ARK2N: variants seen among roughly 807,000 people sequenced by gnomAD.
The protein encoded by ARK2N is arkadia (RNF111) N-terminal like PKA signaling regulator 2N.
the ARK2N span, chr18:46,240,297 G>T: frequency 2.5e-6 from 3 of 1,184,856 alleles, no homozygotes; most frequent in Non-Finnish European, 3.5e-6. Flanking sequence ...AGAGACATCT[G>T]GCATTGAATG....
At chr18:46,199,746 T>G in the ARK2N span, among the ~76,000 whole-genome samples, 1 of 152,172 alleles carries the variant, frequency 6.6e-6, no homozygotes, top group Non-Finnish European at 1.5e-5. Flanking sequence ...CTTATGGGAC[T>G]GCAACTGTTT....
At chr18:46,240,207 C>T in the ARK2N span, 1 of 1,613,304 alleles carries the variant, frequency 6.2e-7, no homozygotes, top group East Asian at 2.2e-5. Flanking sequence ...CCCCATCCCC[C>T]TTCTCTAACG....
chr18:46,208,409 A>G, the ARK2N span, among the ~76,000 whole-genome samples: 5 of 149,858 alleles, frequency 3.3e-5, no homozygotes, highest in Non-Finnish European at 7.4e-5. Context: ...TGTATTACAG[A>G]TAGAGATAAA....
chr18:46,190,485 TC>T, the ARK2N span, among the ~76,000 whole-genome samples: 15 of 141,694 alleles, frequency 1.1e-4, no homozygotes, highest in Admixed American at 3.6e-4. Context: ...CGAAACTCTG[TC>T]CCCCGGCCCC....
At chr18:46,190,998 G>T in the ARK2N span, among the ~76,000 whole-genome samples, 1 of 152,048 alleles carries the variant, frequency 6.6e-6, no homozygotes, top group African/African-American at 2.4e-5. Context: ...TGTGCAACTG[G>T]TCTCTGGCCC....
chr18:46,243,530 A>G, the ARK2N span, among the ~76,000 whole-genome samples: 1 of 152,188 alleles, frequency 6.6e-6, no homozygotes, highest in African/African-American at 2.4e-5. Flanking sequence ...TCCAAAATAT[A>G]TATTTAGTTT....
the ARK2N span, among the ~76,000 whole-genome samples, chr18:46,252,832 T>C: frequency 6.6e-6 from 1 of 152,222 alleles, no homozygotes. Flanking sequence ...TTTAGAGCCA[T>C]GTACTTTGAT....
chr18:46,229,578 T>C, the ARK2N span, among the ~76,000 whole-genome samples: 4 of 151,824 alleles, frequency 2.6e-5, no homozygotes, highest in Admixed American at 2.6e-4. Flanking sequence ...TCTCCTGACG[T>C]CATGATCCGC....
the ARK2N span, among the ~76,000 whole-genome samples, chr18:46,230,746 G>A: frequency 1.3e-5 from 2 of 152,158 alleles, no homozygotes; most frequent in East Asian, 1.9e-4. Context: ...ATCGCCGAAT[G>A]TTGTAAAAAG....
At chr18:46,241,902 C>T in the ARK2N span, among the ~76,000 whole-genome samples, 116 of 151,988 alleles carry the variant, frequency 7.6e-4, 1 homozygote, top group South Asian at 0.024. Context: ...CTGCAACCTC[C>T]GCCTCCTGGG....
At chr18:46,208,443 T>G in the ARK2N span, among the ~76,000 whole-genome samples, 1,658 of 151,262 alleles carry the variant, frequency 0.011, 59 homozygotes, top group East Asian at 0.12. Context: ...TAGTTGGTTA[T>G]GGGATTTTCT....
chr18:46,231,830 C>T, the ARK2N span: 13 of 151,796 alleles, frequency 8.6e-5, no homozygotes, highest in African/African-American at 3.1e-4. Flanking sequence ...TCTCGGCTCA[C>T]TGCAACCTCC....
At chr18:46,213,397 G>A in the ARK2N span, among the ~76,000 whole-genome samples, 1 of 151,936 alleles carries the variant, frequency 6.6e-6, no homozygotes, top group Admixed American at 6.6e-5. Context: ...CCCCCCCACT[G>A]CTAAATTTGA....
At chr18:46,262,836 T>C in the ARK2N span, 1 of 1,304,762 alleles carries the variant, frequency 7.7e-7, no homozygotes, top group Non-Finnish European at 1.1e-6. Context: ...TTTATCTTAG[T>C]AAAAATGTTG....
At chr18:46,258,090 C>G in the ARK2N span, among the ~76,000 whole-genome samples, 9 of 152,130 alleles carry the variant, frequency 5.9e-5, no homozygotes, top group African/African-American at 1.4e-4. Flanking sequence ...CCATGCCTGG[C>G]TAATTTTTGT....
At chr18:46,266,222 AACTT>A in the ARK2N span, 1 of 152,522 alleles carries the variant, frequency 6.6e-6, no homozygotes, top group Non-Finnish European at 1.5e-5. Flanking sequence ...CACCATAACT[AACTT>A]AAAACTAAGT....
At chr18:46,247,187 A>T in the ARK2N span, among the ~76,000 whole-genome samples, 50 of 151,554 alleles carry the variant, frequency 3.3e-4, no homozygotes, top group African/African-American at 7.5e-4. Flanking sequence ...TTTTTTTTTT[A>T]AAAGACAGTA....
chr18:46,231,409 C>G, the ARK2N span, among the ~76,000 whole-genome samples: 2 of 152,014 alleles, frequency 1.3e-5, no homozygotes, highest in Non-Finnish European at 2.9e-5. Context: ...TGTACAGTTG[C>G]TACAGTGATT....
the ARK2N span, among the ~76,000 whole-genome samples, chr18:46,221,211 A>G: frequency 6.6e-6 from 1 of 151,952 alleles, no homozygotes; most frequent in South Asian, 2.1e-4. Context: ...TATTCTTGCT[A>G]TTGAATATTA....
Sources: gnomAD v4.1 joint callset for allele counts (sites outside exome capture counted in the v4.1 genomes callset) on GRCh38, gnomAD v4.1.1 for gene constraint, MANE v1.5 for transcripts, NCBI Gene and HGNC (gene_info 2026-07-23, HGNC 2026-07-21) for gene names.